ITPK1: variants seen among roughly 807,000 people sequenced by gnomAD.
The protein encoded by ITPK1 is inositol 1,3,4-trisphosphate 5/6-kinase.
A neutral mutation model predicts 45.3 loss-of-function variants in ITPK1; 21 were observed. That is an observed-to-expected ratio of 0.46 (90% CI 0.33 to 0.67). The LOEUF is 0.67. ITPK1 is among the 30% of genes least tolerant of loss of function. The pLI, the probability that ITPK1 is intolerant of heterozygous loss-of-function variation, is 0.02. For synonymous variants in ITPK1, 258 were observed against 253.6 expected (o/e 1.02, Z -0.16); for missense variants, 474 against 573.5 (o/e 0.83, Z 1.77).
chr14:93,040,906 C>A (rs1329905556), intron 3 of ITPK1, among the ~76,000 whole-genome samples: 1 of 152,176 alleles, frequency 6.6e-6, no homozygotes, highest in Non-Finnish European at 1.5e-5. Flanking sequence ...AAGGCCCCGT[C>A]TTCTCCCCTG....
At chr14:93,038,769 C>T (rs1211586589) in intron 3 of ITPK1, among the ~76,000 whole-genome samples, 2 of 152,138 alleles carry the variant, frequency 1.3e-5, no homozygotes, top group Non-Finnish European at 2.9e-5. Context: ...TCAAGTGATC[C>T]ACCCGTTTCG....
chr14:92,941,445 A>G lies in ITPK1; in HGVS notation c.*116T>C. 1 of 1,422,034 alleles carries G rather than the reference A, an allele frequency of 7.0e-7. No individual in the cohort carries two copies. The highest frequency in any genetic ancestry group is 9.1e-7 in the Non-Finnish European group (1 of 1,095,166). The allele number at this position is 1,422,034 out of a possible 1,614,324, so 88.1% of individuals were successfully genotyped here. A position where few individuals can be genotyped will look rare whatever the true frequency, so the allele number is the denominator to read the frequency against. On this transcript the variant is annotated 3_prime_UTR_variant, in exon 11 of 11. Coordinates refer to ENST00000267615, the MANE Select transcript of ITPK1 (RefSeq NM_014216.6). The stretch of plus-strand genomic sequence containing the variant: ...ATCAGAGAATCAGGTTAAAAATTAA[A>G]AAACAGAAGAATCAGATCACTGGGG...
At chr14:93,015,637 G>A (rs935674570) in intron 4 of ITPK1, among the ~76,000 whole-genome samples, 14 of 152,226 alleles carry the variant, frequency 9.2e-5, no homozygotes, top group Non-Finnish European at 1.5e-4. Flanking sequence ...GGCACAACGT[G>A]GGACATGCCC....
At chr14:93,061,657 A>T (rs1189697847) in intron 3 of ITPK1, among the ~76,000 whole-genome samples, 1 of 152,218 alleles carries the variant, frequency 6.6e-6, no homozygotes, top group Non-Finnish European at 1.5e-5. Context: ...GGGTTTGTTT[A>T]TTTCACCAAG....
Position 92,967,310 on chromosome 14 carries a change from C to T in ITPK1, c.365-4461G>A, listed in dbSNP as rs557978798. ...TTCTCAAAACAAGACATATAAATGG[C>T]CAATAAGCACCTTATTAGCCATCGG... is the stretch of plus-strand genomic sequence containing the variant. On this transcript the variant is annotated intron_variant, in intron 5 of 10. Coordinates refer to ENST00000267615, the MANE Select transcript of ITPK1 (RefSeq NM_014216.6). 9.2e-5 allele frequency among the ~76,000 whole-genome samples: 14 copies of T among 152,258 alleles called. No individual in the cohort carries two copies. In the South Asian group the frequency reaches 2.9e-3, roughly 32 times the overall value.
intron 2 of ITPK1, among the ~76,000 whole-genome samples, chr14:93,103,726 G>A (rs1222112928): frequency 6.6e-6 from 1 of 152,128 alleles, no homozygotes; most frequent in Non-Finnish European, 1.5e-5. Context: ...GGGAGGGGGA[G>A]GCCTGGGAAC....
intron 3 of ITPK1, among the ~76,000 whole-genome samples, chr14:93,064,890 G>A (rs1319329850): frequency 6.6e-6 from 1 of 152,214 alleles, no homozygotes; most frequent in Non-Finnish European, 1.5e-5. Context: ...ACAGAGCCAA[G>A]TTACAACTCT....
intron 3 of ITPK1, chr14:93,072,288 GC>G (rs1891043261): frequency 6.7e-6 from 1 of 149,550 alleles, no homozygotes; most frequent in Admixed American, 6.6e-5. Context: ...GGCGACAAGA[GC>G]GAGACTCCAT....
chr14:93,074,728 G>A (rs1381362315), intron 3 of ITPK1, among the ~76,000 whole-genome samples: 1 of 152,158 alleles, frequency 6.6e-6, no homozygotes, highest in Non-Finnish European at 1.5e-5. Flanking sequence ...TAAAGGATCC[G>A]TGGATTTCCC....
intron 4 of ITPK1, among the ~76,000 whole-genome samples, chr14:93,002,390 G>A (rs940621066): frequency 1.3e-5 from 2 of 152,212 alleles, no homozygotes; most frequent in Non-Finnish European, 2.9e-5. Flanking sequence ...AAAGCACCTA[G>A]TAGGTGGCCA....
chr14:93,031,243 G>A (rs936288248), intron 3 of ITPK1, among the ~76,000 whole-genome samples: 18 of 152,176 alleles, frequency 1.2e-4, no homozygotes, highest in African/African-American at 3.9e-4. Flanking sequence ...CAGGGGTCCC[G>A]AGCAGAGGAG....
chr14:92,956,276 T>C (rs1413114256), intron 8 of ITPK1, among the ~76,000 whole-genome samples: 1 of 151,912 alleles, frequency 6.6e-6, no homozygotes, highest in African/African-American at 2.4e-5. Flanking sequence ...CACACCACCA[T>C]GCCCAGGTAA....
At chr14:93,084,878 C>G (rs1037812174) in intron 2 of ITPK1, among the ~76,000 whole-genome samples, 3 of 152,228 alleles carry the variant, frequency 2.0e-5, no homozygotes, top group Non-Finnish European at 2.9e-5. Flanking sequence ...AAGAGCAGCT[C>G]AAGTGCCTTC....
At chr14:93,094,789 T>C (rs1441984302) in intron 2 of ITPK1, among the ~76,000 whole-genome samples, 1 of 152,208 alleles carries the variant, frequency 6.6e-6, no homozygotes, top group Admixed American at 6.5e-5. Context: ...GCCAGCCCAC[T>C]GCTTCCTAGA....
Position 92,940,975 on chromosome 14 carries a change from G to C in ITPK1, c.*586C>G. The C allele has an allele frequency of 7.8e-7, 1 of 1,283,530 alleles. No homozygotes were observed. Among genetic ancestry groups the C allele is most frequent in the African/African-American group, 1.5e-5 (1 of 65,828 alleles). The allele number at this position is 1,283,530 out of a possible 1,614,324, so 79.5% of individuals were successfully genotyped here. A position where few individuals can be genotyped will look rare whatever the true frequency, so the allele number is the denominator to read the frequency against. On this transcript the variant is annotated 3_prime_UTR_variant, in exon 11 of 11. Transcript: ENST00000267615. ...CCAGACCCCAGCGCGGAACTCCCCT[G>C]AGGGGTCTGTGGCCTCCTCTGGCTG... is the stretch of plus-strand genomic sequence containing the variant.
At chr14:92,990,531 G>A (rs1779774727) in intron 5 of ITPK1, among the ~76,000 whole-genome samples, 1 of 152,232 alleles carries the variant, frequency 6.6e-6, no homozygotes, top group Non-Finnish European at 1.5e-5. Flanking sequence ...TTGATACGAA[G>A]TGGGTGGGTT....
intron 10 of ITPK1, among the ~76,000 whole-genome samples, chr14:92,942,464 G>C (rs530260760): frequency 1.4e-4 from 21 of 152,292 alleles, no homozygotes; most frequent in Middle Eastern, 3.4e-3. Flanking sequence ...GAGAGGCTGG[G>C]ATGTGAGTGG....
intron 3 of ITPK1, among the ~76,000 whole-genome samples, chr14:93,027,478 A>G (rs1227239203): frequency 6.6e-6 from 1 of 152,176 alleles, no homozygotes; most frequent in African/African-American, 2.4e-5. Flanking sequence ...TTCCCATTGT[A>G]CAGATGGGGA....
intron 3 of ITPK1, among the ~76,000 whole-genome samples, chr14:93,050,688 A>G (rs58907056): frequency 0.066 from 10,048 of 151,792 alleles, 1,149 homozygotes; most frequent in African/African-American, 0.23. Context: ...GGTCCACAAG[A>G]GTAATTCTGG....
Sources: allele counts gnomAD v4.1 joint callset (sites outside exome capture counted in the v4.1 genomes callset), GRCh38; gene constraint gnomAD v4.1.1; transcripts MANE v1.5; gene names NCBI Gene and HGNC (gene_info 2026-07-23, HGNC 2026-07-21).